EIF3H: variants seen among roughly 807,000 people sequenced by gnomAD.
EIF3H encodes eukaryotic translation initiation factor 3 subunit H.
EIF3H carries 26 observed loss-of-function variants against 44.2 expected under a neutral mutation model. The ratio of observed to expected loss-of-function variants is 0.59; its 90% confidence interval spans 0.43 to 0.82. The LOEUF is 0.82. Ranked by LOEUF, EIF3H falls within the 40% of genes least tolerant of loss-of-function variation. The pLI, the probability that EIF3H is intolerant of heterozygous loss-of-function variation, is 0.00. For synonymous variants in EIF3H, 166 were observed against 151.9 expected, an observed-to-expected ratio of 1.09 and a Z score of -0.68; for missense variants, 359 against 432.8, an observed-to-expected ratio of 0.83 and a Z score of 1.51.
In EIF3H at chr8:116,644,635, G is replaced by A. The variant is rs1286029080; in HGVS notation, c.*371C>T. On this transcript the variant is annotated 3_prime_UTR_variant, in exon 8 of 8. Coordinates refer to ENST00000521861, the MANE Select transcript of EIF3H (RefSeq NM_003756.3). ...TTCACAGTAGATGCCAGGGCCTCGG[G>A]GTCAGGAGCTGGGATAAGTAGTTGG... 1 of 180,724 alleles carries A rather than the reference G, an allele frequency of 5.5e-6. No individual in the cohort carries two copies. The highest frequency in any genetic ancestry group is 2.4e-5 in the African/African-American group (1 of 42,426). The allele number at this position is 180,724 out of a possible 1,614,324, so 11.2% of individuals were successfully genotyped here.
At chr8:116,708,238 A>C (rs989315611) in intron 2 of EIF3H, among the ~76,000 whole-genome samples, 2 of 152,138 alleles carry the variant, frequency 1.3e-5, no homozygotes, top group Non-Finnish European at 2.9e-5. Context: ...ACAGCAAAAA[A>C]TAATGGGCAC....
At chr8:116,695,769 C>A (rs577757322) in intron 2 of EIF3H, among the ~76,000 whole-genome samples, 1 of 152,092 alleles carries the variant, frequency 6.6e-6, no homozygotes, top group African/African-American at 2.4e-5. Flanking sequence ...GGGAGGGCAT[C>A]TGAACAGGAA....
At position 116,755,683 on chromosome 8, in the gene EIF3H, C is replaced by T; in HGVS notation, c.115G>A (p.Val39Met). ...GCACTCACAAGGCCATCTATCTGCA[C>T]TTGCTTCACGGCTGAATCTCCCGAG... ...GGSGDSAVKQ[V>M]QIDGLVVLKI... The change falls in exon 1 of 8, where the codon GTG (valine) becomes ATG (methionine). Residue 39 changes from valine to methionine, a missense_variant. This residue lies in a region of EIF3H where 91 missense variants were observed against 164.6 expected (regional missense o/e 0.55). Transcript: ENST00000521861. 1 of 1,614,162 alleles carries T rather than the reference C, an allele frequency of 6.2e-7. No individual in the cohort carries two copies. Among genetic ancestry groups the T allele is most frequent in the Non-Finnish European group, 8.5e-7 (1 of 1,180,020 alleles).
chr8:116,695,208 C>T (rs1814249582), intron 2 of EIF3H, among the ~76,000 whole-genome samples: 1 of 151,856 alleles, frequency 6.6e-6, no homozygotes, highest in Non-Finnish European at 1.5e-5. Flanking sequence ...GCTGGGTTTA[C>T]AGGCATGCCC....
Position 116,750,178 on chromosome 8 carries a change from T to C in EIF3H, c.132+5488A>G, listed in dbSNP as rs1563661915. Among the ~76,000 whole-genome samples the C allele has an allele frequency of 2.0e-5, 3 of 152,404 alleles. No homozygotes were observed. The South Asian group carries it at 6.2e-4, about 32-fold the overall frequency. Reference sequence around the variant, plus strand: ...CATGTGGTCGGCAATCAATAAATATTTGTTAAATGAATGAAGAACAGAATA... The same window carrying C: ...CATGTGGTCGGCAATCAATAAATATCTGTTAAATGAATGAAGAACAGAATA... On this transcript the variant is annotated intron_variant, in intron 1 of 7. Coordinates refer to ENST00000521861, the MANE Select transcript of EIF3H (RefSeq NM_003756.3).
intron 2 of EIF3H, among the ~76,000 whole-genome samples, chr8:116,719,760 C>G (rs1245234431): frequency 6.8e-6 from 1 of 147,654 alleles, no homozygotes; most frequent in Non-Finnish European, 1.5e-5. Flanking sequence ...CTAAAGAAGA[C>G]TGTTGTCTTA....
At chr8:116,720,464 C>T (rs1814725460) in intron 2 of EIF3H, among the ~76,000 whole-genome samples, 1 of 152,166 alleles carries the variant, frequency 6.6e-6, no homozygotes, top group Admixed American at 6.5e-5. Flanking sequence ...CATTAAATCT[C>T]TTTTTCTTCA....
At chr8:116,756,114 CTT>C (rs1161916080), upstream of EIF3H, 6 of 1,085,632 alleles carry the variant, frequency 5.5e-6, no homozygotes, top group South Asian at 8.2e-5. Context: ...TGTAGTGTCT[CTT>C]ATGTAAAAAT....
intron 2 of EIF3H, among the ~76,000 whole-genome samples, chr8:116,695,170 C>T (rs1439027757): frequency 1.3e-5 from 2 of 151,482 alleles, no homozygotes; most frequent in Non-Finnish European, 2.9e-5. Context: ...CATGTTCAAC[C>T]AATTCTCGTG....
intron 5 of EIF3H, among the ~76,000 whole-genome samples, chr8:116,652,013 T>C (rs1287701250): frequency 2.0e-5 from 3 of 152,040 alleles, no homozygotes; most frequent in Admixed American, 6.6e-5. Flanking sequence ...AGAAATAAGG[T>C]CCTAGACTAA....
At chr8:116,757,914 GT>G (rs1233626384), upstream of EIF3H, among the ~76,000 whole-genome samples, 1 of 152,090 alleles carries the variant, frequency 6.6e-6, no homozygotes, top group Non-Finnish European at 1.5e-5. Context: ...TAAAGACGGG[GT>G]TTTGCCATGT....
At chr8:116,743,817 CACACACACACACACACACACAT>C (rs1563660019) in intron 1 of EIF3H, among the ~76,000 whole-genome samples, 2 of 123,178 alleles carry the variant, frequency 1.6e-5, no homozygotes, top group African/African-American at 6.6e-5. Flanking sequence ...CACACACACA[CACACACACACACACACACACAT>C]ATATAAATAA....
chr8:116,692,735 T>C (rs1814199300), intron 2 of EIF3H, among the ~76,000 whole-genome samples: 1 of 152,224 alleles, frequency 6.6e-6, no homozygotes, highest in Non-Finnish European at 1.5e-5. Context: ...ACTGTATTCG[T>C]AATGTTTAAT....
intron 3 of EIF3H, chr8:116,657,549 A>G (rs1813511596): frequency 2.1e-6 from 1 of 486,500 alleles, no homozygotes; most frequent in Non-Finnish European, 3.6e-6. Flanking sequence ...GTCAAAAACT[A>G]AAGATGCAAA....
intron 1 of EIF3H, among the ~76,000 whole-genome samples, chr8:116,747,167 G>A (rs563967222): frequency 5.7e-4 from 86 of 152,092 alleles, no homozygotes; most frequent in Admixed American, 1.3e-3. Context: ...GGTTCAAGCA[G>A]TTCTCCTGCC....
chr8:116,713,432 C>T (rs1389826856), intron 2 of EIF3H, among the ~76,000 whole-genome samples: 1 of 152,054 alleles, frequency 6.6e-6, no homozygotes, highest in East Asian at 1.9e-4. Flanking sequence ...ACAAGAGTTT[C>T]TCAACTCATT....
At chr8:116,748,500 C>CA (rs1442635502) in intron 1 of EIF3H, among the ~76,000 whole-genome samples, 1 of 152,238 alleles carries the variant, frequency 6.6e-6, no homozygotes, top group African/African-American at 2.4e-5. Context: ...TTCTCACCAA[C>CA]ACTCAAGCAT....
intron 5 of EIF3H, among the ~76,000 whole-genome samples, chr8:116,653,107 T>G (rs1228459312): frequency 6.6e-6 from 1 of 152,130 alleles, no homozygotes; most frequent in Non-Finnish European, 1.5e-5. Flanking sequence ...TACTGCCATA[T>G]GCAGAGAAAA....
At chr8:116,746,791 C>G (rs1563660867) in intron 1 of EIF3H, among the ~76,000 whole-genome samples, 1 of 152,202 alleles carries the variant, frequency 6.6e-6, no homozygotes, top group Non-Finnish European at 1.5e-5. Flanking sequence ...AAATGTCAGA[C>G]TGCATAACGA....
Sources: gnomAD v4.1 joint callset for allele counts (sites outside exome capture counted in the v4.1 genomes callset) on GRCh38, gnomAD v4.1.1 for gene constraint, gnomAD v4.1.1 regional missense constraint, MANE v1.5 for transcripts, NCBI Gene and HGNC (gene_info 2026-07-23, HGNC 2026-07-21) for gene names.